The following CLINT1 variants were observed in gnomAD, a reference collection of about 807,000 sequenced individuals.
The protein encoded by CLINT1 is clathrin interactor 1, also known as clathrin interacting protein localized in the trans-Golgi region.
In CLINT1, 15 loss-of-function variants were observed where a neutral mutation model predicts 70.4. That is an observed-to-expected ratio of 0.21 (90% CI 0.14 to 0.33). CLINT1 has a LOEUF of 0.33. CLINT1 is among the 10% of genes least tolerant of loss of function. The pLI is 1.00. For synonymous variants in CLINT1, 227 were observed against 254.7 expected (o/e 0.89, Z 1.04); for missense variants, 615 against 778.1 (o/e 0.79, Z 2.49).
chr5:157,792,254 A>T (rs886379691), intron 9 of CLINT1, among the ~76,000 whole-genome samples: 4 of 147,210 alleles, frequency 2.7e-5, no homozygotes, highest in Non-Finnish European at 4.5e-5. Flanking sequence ...TGAATTTACC[A>T]TAAAAAAAAA....
intron 5 of CLINT1, among the ~76,000 whole-genome samples, chr5:157,811,022 C>T (rs1325991538): frequency 6.6e-6 from 1 of 152,002 alleles, no homozygotes; most frequent in African/African-American, 2.4e-5. Context: ...GTTTTCTAGA[C>T]AAAATTTAAA....
intron 1 of CLINT1, among the ~76,000 whole-genome samples, chr5:157,827,265 T>C (rs1763067791): frequency 6.6e-6 from 1 of 152,174 alleles, no homozygotes; most frequent in Non-Finnish European, 1.5e-5. Flanking sequence ...CGACAATCTG[T>C]CGGACTAAAA....
rs954762343 is a variant in CLINT1, at chr5:157,824,411, G to A, written c.42-6864C>T. Among the ~76,000 whole-genome samples, 5 of 152,052 alleles carry A rather than the reference G, an allele frequency of 3.3e-5. No homozygotes were observed. In the South Asian group the frequency reaches 8.3e-4, roughly 25 times the overall value. On this transcript the variant is annotated intron_variant, in intron 1 of 11. Transcript: ENST00000411809. ...CAGGTAGATTACTTTCATTGTTAACGAAATATCTGAGGCTCTATAGAAATG... is the reference window on the plus strand; with the variant it reads ...CAGGTAGATTACTTTCATTGTTAACAAAATATCTGAGGCTCTATAGAAATG...
At chr5:157,857,822 G>C (rs1312581927) in intron 1 of CLINT1, among the ~76,000 whole-genome samples, 1 of 152,196 alleles carries the variant, frequency 6.6e-6, no homozygotes, top group Non-Finnish European at 1.5e-5. Flanking sequence ...AGTTCTATCT[G>C]ATGTATCAGA....
At chr5:157,801,601 G>A (rs952739737) in intron 8 of CLINT1, among the ~76,000 whole-genome samples, 2 of 150,666 alleles carry the variant, frequency 1.3e-5, no homozygotes, top group Admixed American at 6.6e-5. Context: ...GGGAGGCTGA[G>A]GCAGGCAGAT....
Position 157,803,677 on chromosome 5 carries a change from G to C in CLINT1, c.985C>G (p.Leu329Val), listed in dbSNP as rs1204660836. 6.5e-7 allele frequency: 1 copy of C among 1,545,336 alleles called. No homozygotes were observed. Among genetic ancestry groups the C allele is most frequent in the Non-Finnish European group, 8.8e-7 (1 of 1,136,136 alleles). ...SSKSSGDLVD[L>V]FDGTSQSTGG... Reference sequence around the variant, plus strand: ...GTTGACTGGCTGGTGCCATCAAACAGATCAACAAGGTCACCAGATGACTTG... The same window carrying C: ...GTTGACTGGCTGGTGCCATCAAACACATCAACAAGGTCACCAGATGACTTG... Residue 329 changes from leucine (L) to valine (V), a missense_variant, in exon 8 of 12, where the codon CTG becomes GTG. Transcript: ENST00000411809.
intron 1 of CLINT1, among the ~76,000 whole-genome samples, chr5:157,824,218 T>C (rs1762961947): frequency 6.6e-6 from 1 of 152,240 alleles, no homozygotes; most frequent in Non-Finnish European, 1.5e-5. Context: ...CTTGTGATAT[T>C]CATTTTTTAT....
intron 1 of CLINT1, among the ~76,000 whole-genome samples, chr5:157,836,063 C>T (rs962997959): frequency 6.6e-6 from 1 of 152,088 alleles, no homozygotes; most frequent in Non-Finnish European, 1.5e-5. Context: ...CATACTGGAA[C>T]CCTCTCCTTT....
At position 157,855,285 on chromosome 5, in the gene CLINT1, C is replaced by T. The variant is rs1753722850; in HGVS notation, c.41+3645G>A. On this transcript the variant is annotated intron_variant, in intron 1 of 11. Coordinates refer to ENST00000411809, the MANE Select transcript of CLINT1 (RefSeq NM_014666.4). ...TGATCTACCACTACCATGTCACCTT[C>T]ATTACATTCCTCAAATCTAGAGAGA... is the stretch of plus-strand genomic sequence containing the variant. Among the ~76,000 whole-genome samples the T allele has an allele frequency of 3.3e-5, 5 of 151,966 alleles. No homozygotes were observed. The South Asian group carries it at 1.0e-3, about 32-fold the overall frequency.
chr5:157,804,643 T>A lies in CLINT1; in HGVS notation c.943-924A>T, dbSNP rs1364226937. 2.6e-5 allele frequency among the ~76,000 whole-genome samples: 4 copies of A among 152,112 alleles called. No individual in the cohort carries two copies. In the South Asian group the frequency reaches 8.3e-4, roughly 32 times the overall value. Reference sequence around the variant, plus strand: ...AAAACAAAAAAGAAAAAGCTTGTACTGCCGGGCGCGGTGGCTCAAGCCTGT... The same window carrying A: ...AAAACAAAAAAGAAAAAGCTTGTACAGCCGGGCGCGGTGGCTCAAGCCTGT... On this transcript the variant is annotated intron_variant, in intron 7 of 11. Transcript: ENST00000411809.
intron 9 of CLINT1, among the ~76,000 whole-genome samples, 152 bp from the exon 10 acceptor site, chr5:157,792,147 T>C (rs1761934302): frequency 6.6e-6 from 1 of 152,116 alleles, no homozygotes; most frequent in African/African-American, 2.4e-5. Context: ...TTCTTTCTCA[T>C]AAATATTACA....
chr5:157,836,070 C>CT (rs34295345), intron 1 of CLINT1, among the ~76,000 whole-genome samples: 1 of 152,102 alleles, frequency 6.6e-6, no homozygotes, highest in African/African-American at 2.4e-5. Flanking sequence ...GAACCCTCTC[C>CT]TTTTTTTGCA....
Position 157,803,486 on chromosome 5 carries a change from A to C in CLINT1, c.1012+164T>G, listed in dbSNP as rs112663004. ...AAATGGGTGTACATATAAAAAGATAAGCAAAAATAACACAATGATTCCAAA... is the reference window on the plus strand; with the variant it reads ...AAATGGGTGTACATATAAAAAGATACGCAAAAATAACACAATGATTCCAAA... On this transcript the variant is annotated intron_variant, in intron 8 of 11. Transcript: ENST00000411809. 7.2e-3 allele frequency among the ~76,000 whole-genome samples: 1,090 copies of C among 152,364 alleles called. 13 individuals carry two copies. Among genetic ancestry groups the C allele is most frequent in the African/African-American group, 0.025 (1,043 of 41,582 alleles).
intron 8 of CLINT1, among the ~76,000 whole-genome samples, chr5:157,801,998 G>A (rs959549389): frequency 5.3e-5 from 8 of 151,798 alleles, no homozygotes; most frequent in African/African-American, 1.5e-4. Flanking sequence ...GGGTTCAAGC[G>A]ATTCTCCTGC....
chr5:157,823,359 T>C (rs1762934382), intron 1 of CLINT1, among the ~76,000 whole-genome samples: 1 of 152,232 alleles, frequency 6.6e-6, no homozygotes, highest in Admixed American at 6.5e-5. Flanking sequence ...ATAAGTACTG[T>C]ATCATCATTA....
In CLINT1 at chr5:157,817,435, T is replaced by C; in HGVS notation, c.146+8A>G. The C allele has an allele frequency of 6.4e-7, 1 of 1,556,310 alleles. No homozygotes were observed. The highest frequency in any genetic ancestry group is 8.8e-7 in the Non-Finnish European group (1 of 1,137,890). On this transcript the variant is annotated splice_region_variant and intron_variant, in intron 2 of 11. Transcript: ENST00000411809. ...TTTTCTGCACTGCTGAGTCAAATTA[T>C]CACTTACTTGGCAATCTCTCCCATG...
At chr5:157,806,914 T>C (rs908732476) in intron 6 of CLINT1, among the ~76,000 whole-genome samples, 1 of 151,872 alleles carries the variant, frequency 6.6e-6, no homozygotes, top group African/African-American at 2.4e-5. Flanking sequence ...ATATCAGCCC[T>C]AGTCTGTTCT....
intron 1 of CLINT1, among the ~76,000 whole-genome samples, chr5:157,838,491 T>C (rs116469638): frequency 6.6e-6 from 1 of 152,308 alleles, no homozygotes; most frequent in South Asian, 2.1e-4. Flanking sequence ...CCTAAGTACA[T>C]GCTTAATACG....
chr5:157,820,121 G>A (rs1280610838), intron 1 of CLINT1, among the ~76,000 whole-genome samples: 1 of 151,972 alleles, frequency 6.6e-6, no homozygotes, highest in Admixed American at 6.6e-5. Context: ...AAAAATAACA[G>A]AACGCTTACA....
Sources: allele counts gnomAD v4.1 joint callset (sites outside exome capture counted in the v4.1 genomes callset), GRCh38; gene constraint gnomAD v4.1.1; transcripts MANE v1.5; gene names NCBI Gene and HGNC (gene_info 2026-07-23, HGNC 2026-07-21).